The following UPF2 variants were observed in gnomAD, a reference collection of about 807,000 sequenced individuals.
UPF2 encodes UPF2 regulator of nonsense mediated mRNA decay.
A neutral mutation model predicts 141.4 loss-of-function variants in UPF2; 17 were observed. That is an observed-to-expected ratio of 0.12 (90% CI 0.08 to 0.18). The LOEUF (loss-of-function observed/expected upper bound fraction) is 0.18, where lower values mean the gene tolerates loss of function less well. UPF2 is among the 10% of genes least tolerant of loss of function. The pLI is 1.00. For missense variants in UPF2, 1,152 were observed against 1,515.9 expected (o/e 0.76, Z 3.99); for synonymous variants, 540 against 498.0 (o/e 1.08, Z -1.12).
intron 9 of UPF2, among the ~76,000 whole-genome samples, chr10:11,968,402 A>G (rs1400706141): frequency 6.6e-6 from 1 of 152,210 alleles, no homozygotes; most frequent in Non-Finnish European, 1.5e-5. Context: ...TCTTTTTGAA[A>G]TGTTAACTAT....
rs73571359 is a variant in UPF2 at position 11,955,152 on chromosome 10, C to T, written c.2850+80G>A. 3,096 of 1,312,738 alleles carry T rather than the reference C, an allele frequency of 2.4e-3. 46 individuals are homozygous for T. The African/African-American group carries it at 0.033, about 14-fold the overall frequency. 81.3% of individuals were successfully genotyped at this position (1,312,738 alleles called of 1,614,324 possible). ...TATATATAATATATGAATACCATAACGTTTCTTCTCTCATAGTATTCTTTT... is the reference window on the plus strand; with the variant it reads ...TATATATAATATATGAATACCATAATGTTTCTTCTCTCATAGTATTCTTTT... On this transcript the variant is annotated intron_variant, in intron 14 of 21. Transcript: ENST00000357604.
At chr10:11,933,272 A>C (rs115157206) in intron 19 of UPF2, among the ~76,000 whole-genome samples, 28 of 152,296 alleles carry the variant, frequency 1.8e-4, no homozygotes, top group African/African-American at 6.0e-4. Flanking sequence ...CCCAAAAGCC[A>C]AATAAAGGAA....
intron 3 of UPF2, among the ~76,000 whole-genome samples, chr10:12,021,029 AT>A (rs1360241140): frequency 6.6e-6 from 1 of 152,224 alleles, no homozygotes; most frequent in East Asian, 1.9e-4. Flanking sequence ...AGCGGCTAAC[AT>A]GTATACTATA....
chr10:11,972,876 T>G (rs1833443588), intron 9 of UPF2, among the ~76,000 whole-genome samples: 1 of 152,212 alleles, frequency 6.6e-6, no homozygotes, highest in Non-Finnish European at 1.5e-5. Context: ...CAGCATGATT[T>G]ATAATCCTTT....
upstream of UPF2, chr10:12,042,815 C>T (rs1474342244): frequency 1.3e-5 from 2 of 152,100 alleles, no homozygotes; most frequent in Non-Finnish European, 2.9e-5. This position sits in a 1 kb window ranked among gnomAD's most constrained non-coding sequence, Gnocchi z 5.5. Flanking sequence ...CGCTCGGGCT[C>T]TCCCCTCCCC....
chr10:12,035,684 G>T, intron 1 of UPF2: 1 of 350,228 alleles, frequency 2.9e-6, no homozygotes, highest in Non-Finnish European at 4.9e-6. Flanking sequence ...AAAAATCCAA[G>T]CCCAGACAAA....
chr10:11,976,363 C>T (rs1192201341), intron 9 of UPF2, among the ~76,000 whole-genome samples: 1 of 152,060 alleles, frequency 6.6e-6, no homozygotes, highest in South Asian at 2.1e-4. Context: ...AGAGGAGATG[C>T]TAGATTTTAG....
chr10:12,031,268 A>G (rs1342486172), intron 2 of UPF2, among the ~76,000 whole-genome samples: 1 of 151,840 alleles, frequency 6.6e-6, no homozygotes, highest in Non-Finnish European at 1.5e-5. Flanking sequence ...GTACCTTGCT[A>G]TGTTTGGGCT....
At chr10:11,925,853 A>C (rs1832706348) in intron 21 of UPF2, among the ~76,000 whole-genome samples, 1 of 152,252 alleles carries the variant, frequency 6.6e-6, no homozygotes, top group Admixed American at 6.5e-5. Context: ...CCTGCACCAC[A>C]GGGCCTTGGG....
At position 11,939,262 on chromosome 10, in the gene UPF2, T is replaced by TAA. The variant is rs1460385744; in HGVS notation, c.3379-2552_3379-2551dup. Among the ~76,000 whole-genome samples the TAA allele has an allele frequency of 2.6e-5, 4 of 152,188 alleles. No individual in the cohort carries two copies. Among genetic ancestry groups the TAA allele is most frequent in the Admixed American group, 2.6e-4 (4 of 15,276 alleles). ...GACAGCACTATGCAAAGAATAGATG[T>TAA]AAAGCACTTGATGCAGGGCCCAACA... On this transcript the variant is annotated intron_variant, in intron 18 of 21. Transcript: ENST00000357604. This position sits in a 1 kb window ranked among gnomAD's most constrained non-coding sequence, Gnocchi z 4.8.
intron 16 of UPF2, 122 bp downstream of exon 16, chr10:11,948,247 C>CAA (rs139062017): frequency 0.01 from 4,730 of 468,358 alleles, no homozygotes; most frequent in Non-Finnish European, 0.012. Flanking sequence ...GACTCTGTCT[C>CAA]AAAAAAAAAA....
Position 11,922,235 on chromosome 10 carries a change from C to T in UPF2, c.3810-928G>A, listed in dbSNP as rs77279621. On this transcript the variant is annotated intron_variant, in intron 21 of 21. Coordinates refer to ENST00000357604, the MANE Select transcript of UPF2 (RefSeq NM_015542.4). ...TTCCTGCCGGCGGCCTCCAGTGCTG[C>T]GAGACAACAGACATCTGTCGTTTAA... Among the ~76,000 whole-genome samples the T allele has an allele frequency of 9.2e-5, 14 of 152,256 alleles. No homozygotes were observed. In the East Asian group the frequency reaches 2.3e-3, roughly 25 times the overall value.
rs184703527 is a variant in UPF2 at position 11,956,768 on chromosome 10, T to C, written c.2371-245A>G. Among the ~76,000 whole-genome samples, 2 of 152,344 alleles carry C rather than the reference T, an allele frequency of 1.3e-5. No individual in the cohort carries two copies. Among genetic ancestry groups the C allele is most frequent in the Non-Finnish European group, 2.9e-5 (2 of 68,036 alleles). On this transcript the variant is annotated intron_variant, in intron 12 of 21. Transcript: ENST00000357604. The surrounding 1 kb of genome is among the most constrained non-coding windows in gnomAD (Gnocchi z 4.2). ...TTCTAGAGTTTTCAGGTCTTCAATCTAGGTGACTGTTCTCAGGTCATTAAA... is the reference window on the plus strand; with the variant it reads ...TTCTAGAGTTTTCAGGTCTTCAATCCAGGTGACTGTTCTCAGGTCATTAAA...
intron 8 of UPF2, among the ~76,000 whole-genome samples, chr10:11,983,456 T>G (rs1437089637): frequency 6.6e-6 from 1 of 152,160 alleles, no homozygotes; most frequent in African/African-American, 2.4e-5. Flanking sequence ...CACTGCAAGT[T>G]CCGCCTCCTG....
At chr10:11,991,106 A>T (rs1232893040) in intron 8 of UPF2, among the ~76,000 whole-genome samples, 2 of 152,206 alleles carry the variant, frequency 1.3e-5, no homozygotes, top group Non-Finnish European at 2.9e-5. Context: ...CAATTTTTTT[A>T]AATTAAAAAA....
intron 15 of UPF2, among the ~76,000 whole-genome samples, chr10:11,950,275 A>C (rs1343254027): frequency 6.6e-6 from 1 of 152,218 alleles, no homozygotes; most frequent in Admixed American, 6.5e-5. Context: ...CTATAAAACT[A>C]ACATGAGACA....
At chr10:11,981,396 C>T (rs1017281625) in intron 8 of UPF2, among the ~76,000 whole-genome samples, 13 of 152,188 alleles carry the variant, frequency 8.5e-5, no homozygotes, top group Non-Finnish European at 1.6e-4. Context: ...ATATTACACT[C>T]ACCATTGCAG....
At chr10:12,006,871 T>A (rs1369363790) in intron 4 of UPF2, among the ~76,000 whole-genome samples, 1 of 152,152 alleles carries the variant, frequency 6.6e-6, no homozygotes, top group Non-Finnish European at 1.5e-5. Context: ...GGGTGGAGTC[T>A]CTGGATGGTC....
intron 16 of UPF2, among the ~76,000 whole-genome samples, chr10:11,946,810 G>T (rs1179267812): frequency 1.3e-5 from 2 of 151,952 alleles, no homozygotes; most frequent in Admixed American, 6.6e-5. Context: ...GAATTCCTGG[G>T]CTCAAGCAAT....
Sources: gnomAD v4.1 joint callset for allele counts (sites outside exome capture counted in the v4.1 genomes callset) on GRCh38, gnomAD v4.1.1 for gene constraint, Gnocchi (gnomAD v3.1) non-coding constraint, MANE v1.5 for transcripts, NCBI Gene and HGNC (gene_info 2026-07-23, HGNC 2026-07-21) for gene names.